CDAN1: variants seen among roughly 807,000 people sequenced by gnomAD.
CDAN1 encodes codanin-1.
In CDAN1, 107 loss-of-function variants were observed where a neutral mutation model predicts 139.8. That is an observed-to-expected ratio of 0.77 (90% confidence interval 0.65 to 0.90). The LOEUF is 0.90. Among genes scored for constraint, CDAN1 ranks in the 40% least tolerant of loss-of-function variants. The pLI, the probability that CDAN1 is intolerant of heterozygous loss-of-function variation, is 0.00. For missense variants in CDAN1, 1,667 were observed against 1,575.7 expected (o/e 1.06, Z -0.98); for synonymous variants, 776 against 660.6 (o/e 1.17, Z -2.68).
rs950472248 is a variant in CDAN1, at chr15:42,731,752, G to C, written c.1607C>G (p.Ala536Gly). 1 of 1,614,198 alleles carries C rather than the reference G, an allele frequency of 6.2e-7. No homozygotes were observed. Among genetic ancestry groups the C allele is most frequent in the African/African-American group, 1.3e-5 (1 of 75,054 alleles). The change falls in exon 11 of 28, where the codon GCT (alanine) becomes GGT (glycine). Residue 536 changes from alanine (A) to glycine (G), a missense_variant. Physicochemically the swap from Ala to Gly is moderately conservative, Grantham distance 60 (BLOSUM62 0). Coordinates refer to ENST00000356231, the MANE Select transcript of CDAN1 (RefSeq NM_138477.4). The stretch of plus-strand genomic sequence containing the variant: ...GCGCCACAACCGCCCCAGCTTGTCA[G>C]CTCCCAGCATACTCAACACATCTGG... ...EAPDVLSMLG[A>G]DKLGRLWRLQ...
rs114779238 is a variant in CDAN1 at position 42,728,236 on chromosome 15, G to A, written c.2836C>T (p.Arg946Trp). The A allele has an allele frequency of 2.6e-3, 4,141 of 1,613,816 alleles. 59 individuals carry two copies. The African/African-American group carries it at 0.038, about 15-fold the overall frequency. Residue 946 changes from arginine (R) to tryptophan (W), a missense_variant, in exon 21 of 28, where the codon CGG becomes TGG. By Grantham distance (101) the Arg-to-Trp change is moderately radical. Coordinates refer to ENST00000356231, the MANE Select transcript of CDAN1 (RefSeq NM_138477.4). Reference protein sequence around the residue: ...FCQRKSPGAVRALLPEETPAA... With the variant: ...FCQRKSPGAVWALLPEETPAA... ...GGGGTCTCCTCTGGAAGCAGCGCCC[G>A]CACAGCCCCAGGGCTCTTCCTTTGA...
chr15:42,729,785 C>T lies in CDAN1; in HGVS notation c.2352+11G>A. On this transcript the variant is annotated intron_variant, in intron 16 of 27. Transcript: ENST00000356231. Reference sequence around the variant, plus strand: ...AGTTTCCCATGGCTCTGGCGGAACCCCAGCACTCACCAAGCCATGCTCTGG... The same window carrying T: ...AGTTTCCCATGGCTCTGGCGGAACCTCAGCACTCACCAAGCCATGCTCTGG... The T allele has an allele frequency of 6.2e-7, 1 of 1,611,934 alleles. No homozygotes were observed. The highest frequency in any genetic ancestry group is 8.5e-7 in the Non-Finnish European group (1 of 1,178,452).
At position 42,725,541 on chromosome 15, in the gene CDAN1, A is replaced by G; in HGVS notation, c.3398T>C (p.Leu1133Pro). 6.2e-7 allele frequency: 1 copy of G among 1,614,180 alleles called. No homozygotes were observed. Among genetic ancestry groups the G allele is most frequent in the Non-Finnish European group, 8.5e-7 (1 of 1,180,020 alleles). ...CCCCACATTTCTTGGGCTCAGCAGCAGCTGCAGCGGAACCGGCCCCTGAAA... is the reference window on the plus strand; with the variant it reads ...CCCCACATTTCTTGGGCTCAGCAGCGGCTGCAGCGGAACCGGCCCCTGAAA... ...EDFQGPVPLQ[L>P]LLSPRNVGLL... Residue 1133 changes from leucine (L) to proline (P), a missense_variant, in exon 26 of 28, where the codon CTG becomes CCG. Transcript: ENST00000356231.
At position 42,736,674 on chromosome 15, in the gene CDAN1, G is replaced by T; in HGVS notation, c.197C>A (p.Pro66Gln). ...FLREQSSRVLPQGPPTPAKTP... is the reference protein window; with the variant it reads ...FLREQSSRVLQQGPPTPAKTP... Reference sequence around the variant, plus strand: ...CTTGGCGGGGGTCGGGGGCCCCTGCGGGAGGACGCGGCTGCTCTGCTCCCT... The same window carrying T: ...CTTGGCGGGGGTCGGGGGCCCCTGCTGGAGGACGCGGCTGCTCTGCTCCCT... The change falls in exon 2 of 28, where the codon CCG (proline) becomes CAG (glutamine). Residue 66 changes from proline (P) to glutamine (Q), a missense_variant. By Grantham distance (76) the Pro-to-Gln change is moderately conservative (BLOSUM62 -1). This residue lies in a region of CDAN1 where 487 missense variants were observed against 422.2 expected (regional missense o/e 1.15). Coordinates refer to ENST00000356231, the MANE Select transcript of CDAN1 (RefSeq NM_138477.4). 1 of 1,545,658 alleles carries T rather than the reference G, an allele frequency of 6.5e-7. No homozygotes were observed. The highest frequency in any genetic ancestry group is 1.4e-5 in the African/African-American group (1 of 70,902).
At chr15:42,736,835 C>T in intron 1 of CDAN1, 55 bp from the exon 2 acceptor site, 2 of 1,466,042 alleles carry the variant, frequency 1.4e-6, no homozygotes, top group Admixed American at 2.5e-5. Context: ...GCCCGCGGGC[C>T]GTGAGCAGCC....
Position 42,728,655 on chromosome 15 carries a change from C to A in CDAN1, c.2801G>T (p.Arg934Leu). 1 of 1,613,842 alleles carries A rather than the reference C, an allele frequency of 6.2e-7. No homozygotes were observed. The highest frequency in any genetic ancestry group is 8.5e-7 in the Non-Finnish European group (1 of 1,179,994). The change falls in exon 20 of 28, where the codon CGG (arginine) becomes CTG (leucine). Residue 934 changes from arginine (R) to leucine (L), a missense_variant. Coordinates refer to ENST00000356231, the MANE Select transcript of CDAN1 (RefSeq NM_138477.4). ...CAAATGGACCAGCGCTGCTTACTCCCGCCCCAGGGCCAATGCCTGGGCCCC... is the reference window on the plus strand; with the variant it reads ...CAAATGGACCAGCGCTGCTTACTCCAGCCCCAGGGCCAATGCCTGGGCCCC... ...PHGAQALALG[R>L]EFCQRKSPGA...
At position 42,735,578 on chromosome 15, in the gene CDAN1, T is replaced by C; in HGVS notation, c.875A>G (p.Asp292Gly). The change falls in exon 4 of 28, where the codon GAC (aspartate) becomes GGC (glycine). Residue 292 changes from aspartate (D) to glycine (G), a missense_variant. Physicochemically the swap from Asp to Gly is moderately conservative, Grantham distance 94. This residue lies in a region of CDAN1 where 487 missense variants were observed against 422.2 expected (regional missense o/e 1.15). Transcript: ENST00000356231. ...RTGSLTDEPA[D>G]PARVSSRQRL... ...CTGGCGGGAAGACACTCTGGCAGGG[T>C]CTGCAGGTTCATCTGTGAGGCTTCC... The C allele has an allele frequency of 6.2e-7, 1 of 1,614,100 alleles. No homozygotes were observed. The highest frequency in any genetic ancestry group is 8.5e-7 in the Non-Finnish European group (1 of 1,180,018).
rs2061523007 is a variant in CDAN1, at chr15:42,726,078, T to G, written c.3268+19A>C. 1.2e-6 allele frequency: 2 copies of G among 1,612,492 alleles called. No individual in the cohort carries two copies. The highest frequency in any genetic ancestry group is 4.5e-5 in the East Asian group (2 of 44,858). ...TGGGGGATCAGGCAAGAGAGGGATTTGATGGAAAGCAACCATACCGAGGAG... is the reference window on the plus strand; with the variant it reads ...TGGGGGATCAGGCAAGAGAGGGATTGGATGGAAAGCAACCATACCGAGGAG... On this transcript the variant is annotated intron_variant, in intron 25 of 27. Coordinates refer to ENST00000356231, the MANE Select transcript of CDAN1 (RefSeq NM_138477.4).
intron 9 of CDAN1, 39 bp from the exon 10 acceptor site, chr15:42,732,447 A>C: frequency 6.4e-7 from 1 of 1,574,464 alleles, no homozygotes; most frequent in African/African-American, 1.3e-5. Flanking sequence ...TGTGGAAAGG[A>C]GGGAGAGGGA....
rs1173448134 is a variant in CDAN1, at chr15:42,724,043, GCT to G, written c.*446_*447del. On this transcript the variant is annotated 3_prime_UTR_variant, in exon 28 of 28. Transcript: ENST00000356231. ...GCATTTATAAGGAGATGGCAGTCCA[GCT>G]CCTGGTGATAAGAAAATGTAGACTC... The G allele has an allele frequency of 3.8e-6, 1 of 266,250 alleles. No homozygotes were observed. The highest frequency in any genetic ancestry group is 7.4e-6 in the Non-Finnish European group (1 of 135,296). 16.5% of individuals were successfully genotyped at this position (266,250 alleles called of 1,614,324 possible).
intron 24 of CDAN1, 60 bp downstream of exon 24, chr15:42,726,250 T>G: frequency 6.3e-7 from 1 of 1,598,520 alleles, no homozygotes; most frequent in Non-Finnish European, 8.6e-7. Flanking sequence ...TGGCTCTGGT[T>G]ATCAGGTCTC....
Position 42,732,421 on chromosome 15 carries a change from A to C in CDAN1, c.1458-13T>G. ...ACCCATCATGGCCCTGAGGAATAGA[A>C]GGCAGGAATGAAGGGTGTGGAAAGG... On this transcript the variant is annotated splice_polypyrimidine_tract_variant and intron_variant, in intron 9 of 27. Transcript: ENST00000356231. 6.2e-7 allele frequency: 1 copy of C among 1,612,294 alleles called. No individual in the cohort carries two copies.
rs1595848507 is a variant in CDAN1, at chr15:42,725,620, T to C, written c.3319A>G (p.Arg1107Gly). ...LGPPAQYRLERGQARRLLHML... is the reference protein window; with the variant it reads ...LGPPAQYRLEGGQARRLLHML... Reference sequence around the variant, plus strand: ...TGCAGAAGCCTTCGAGCCTGCCCTCTCTCCAGCCTGTACTGTGCCGGGGGC... The same window carrying C: ...TGCAGAAGCCTTCGAGCCTGCCCTCCCTCCAGCCTGTACTGTGCCGGGGGC... Residue 1107 changes from arginine (R) to glycine (G), a missense_variant, in exon 26 of 28, where the codon AGA becomes GGA. Physicochemically the swap from Arg to Gly is moderately radical, Grantham distance 125. Transcript: ENST00000356231. 1 of 1,614,052 alleles carries C rather than the reference T, an allele frequency of 6.2e-7. No individual in the cohort carries two copies.
Position 42,733,923 on chromosome 15 carries a change from C to G in CDAN1, c.1367+15G>C, listed in dbSNP as rs1489508662. 6.3e-7 allele frequency: 1 copy of G among 1,576,666 alleles called. No individual in the cohort carries two copies. The highest frequency in any genetic ancestry group is 1.1e-5 in the South Asian group (1 of 90,210). On this transcript the variant is annotated intron_variant, in intron 8 of 27. Coordinates refer to ENST00000356231, the MANE Select transcript of CDAN1 (RefSeq NM_138477.4). ...TCATCTCATTCCCTCCCCAAAAAGT[C>G]CCTTTTCTTATCACCTCTGTTTCTT...
chr15:42,732,624 C>G (rs2061628925), intron 9 of CDAN1, among the ~76,000 whole-genome samples: 1 of 152,156 alleles, frequency 6.6e-6, no homozygotes, highest in Non-Finnish European at 1.5e-5. Context: ...AACAAGAAAT[C>G]ATGCGACCAC....
At position 42,724,172 on chromosome 15, in the gene CDAN1, A is replaced by C; in HGVS notation, c.*319T>G. The C allele has an allele frequency of 2.6e-6, 1 of 377,626 alleles. No homozygotes were observed. The highest frequency in any genetic ancestry group is 2.1e-5 in the African/African-American group (1 of 48,268). 23.4% of individuals were successfully genotyped at this position (377,626 alleles called of 1,614,324 possible). ...AGTTTTAAGAGATGCTGGGATAGCAAATGAGGCTTGAATTCTGTGTTGACA... is the reference window on the plus strand; with the variant it reads ...AGTTTTAAGAGATGCTGGGATAGCACATGAGGCTTGAATTCTGTGTTGACA... On this transcript the variant is annotated 3_prime_UTR_variant, in exon 28 of 28. Transcript: ENST00000356231.
chr15:42,736,106 C>G (rs764632149), intron 2 of CDAN1, 28 bp from the exon 3 acceptor site: 14 of 1,611,958 alleles, frequency 8.7e-6, no homozygotes, highest in Non-Finnish European at 1.2e-5. Flanking sequence ...AGGTTTTTCT[C>G]AAATTCCTAT....
At chr15:42,733,420 G>A (rs890791989) in intron 8 of CDAN1, among the ~76,000 whole-genome samples, 4 of 152,058 alleles carry the variant, frequency 2.6e-5, no homozygotes, top group African/African-American at 9.7e-5. Context: ...GGGATTACAA[G>A]TGCCCACCAC....
intron 20 of CDAN1, 81 bp from the exon 21 acceptor site, chr15:42,728,348 C>T: frequency 6.8e-7 from 1 of 1,473,672 alleles, no homozygotes; most frequent in Non-Finnish European, 9.5e-7. Flanking sequence ...TGCACCAAGC[C>T]CCTGACCTGG....
Sources: gnomAD v4.1 joint callset for allele counts (sites outside exome capture counted in the v4.1 genomes callset) on GRCh38, gnomAD v4.1.1 for gene constraint, gnomAD v4.1.1 regional missense constraint, MANE v1.5 for transcripts, NCBI Gene and HGNC (gene_info 2026-07-23, HGNC 2026-07-21) for gene names.